WDR47: variants seen among roughly 807,000 people sequenced by gnomAD.
WDR47 encodes the protein WD repeat domain 47.
In WDR47, 32 loss-of-function variants were observed where a neutral mutation model predicts 97.2. The ratio of observed to expected loss-of-function variants is 0.33; its 90% CI spans 0.25 to 0.44. The LOEUF (loss-of-function observed/expected upper bound fraction) is 0.44, where lower values mean the gene tolerates loss of function less well. WDR47 is among the 20% of genes least tolerant of loss of function. WDR47 has a pLI of 1.00. For synonymous variants in WDR47, 375 were observed against 373.5 expected, an observed-to-expected ratio of 1.00 and a Z score of -0.05; for missense variants, 782 against 1,102.3, an observed-to-expected ratio of 0.71 and a Z score of 4.11.
intron 5 of WDR47, among the ~76,000 whole-genome samples, chr1:109,007,068 G>C (rs186424330): frequency 1.6e-3 from 240 of 151,816 alleles, no homozygotes; most frequent in African/African-American, 5.8e-3. Flanking sequence ...CTCCCAAGTA[G>C]CTGTGACTAC....
At position 109,002,394 on chromosome 1, in the gene WDR47, A is replaced by G. The variant is rs765124733; in HGVS notation, c.1263T>C (p.Asp421=). The change falls in exon 7 of 15, where the codon GAT becomes GAC. Residue 421 remains aspartate, a synonymous_variant. Coordinates refer to ENST00000369962, the MANE Select transcript of WDR47 (RefSeq NM_001142551.2). ...AATATTCTTGAAATTGTTCTGTTGAATCTCGAAGCTTAAAAACATTAGAAA... is the reference window on the plus strand; with the variant it reads ...AATATTCTTGAAATTGTTCTGTTGAGTCTCGAAGCTTAAAAACATTAGAAA... The part of the protein sequence containing the change: ...PAKQEKNELR[D]STEQFQEYYR... The G allele has an allele frequency of 3.6e-5, 58 of 1,598,458 alleles. No individual in the cohort carries two copies. Among genetic ancestry groups the G allele is most frequent in the Non-Finnish European group, 4.9e-5 (58 of 1,175,064 alleles).
intron 9 of WDR47, among the ~76,000 whole-genome samples, chr1:108,987,445 C>A (rs906883203): frequency 1.3e-5 from 2 of 151,916 alleles, no homozygotes; most frequent in African/African-American, 4.8e-5. Context: ...TGAGCCACCG[C>A]ACCAGCCAAT....
chr1:108,998,460 C>G (rs1248533256), intron 7 of WDR47, among the ~76,000 whole-genome samples: 4 of 151,966 alleles, frequency 2.6e-5, no homozygotes, highest in Non-Finnish European at 4.4e-5. Context: ...CAAGGTCATG[C>G]CACTGCACTC....
At chr1:109,037,449 AC>A (rs2102061812) in intron 1 of WDR47, among the ~76,000 whole-genome samples, 1 of 151,874 alleles carries the variant, frequency 6.6e-6, no homozygotes, top group South Asian at 2.1e-4. Context: ...CCACAGTGAA[AC>A]CCTGTCTCTA....
chr1:109,000,203 C>G (rs1660073623), intron 7 of WDR47, among the ~76,000 whole-genome samples: 1 of 151,734 alleles, frequency 6.6e-6, no homozygotes, highest in Admixed American at 6.6e-5. Flanking sequence ...CAGAGCAAGA[C>G]TCTATCTCCA....
intron 9 of WDR47, 40 bp from the exon 10 acceptor site, chr1:108,986,720 T>G (rs779062773): frequency 2.0e-6 from 3 of 1,469,748 alleles, no homozygotes; most frequent in African/African-American, 2.8e-5. Context: ...ATTAAAAAAA[T>G]GAATTTGAAA....
At chr1:108,982,497 A>C in intron 12 of WDR47, 112 bp downstream of exon 12, 1 of 1,308,570 alleles carries the variant, frequency 7.6e-7, no homozygotes, top group Non-Finnish European at 1.0e-6. Flanking sequence ...GTGCCACTGC[A>C]CTCTGGACAG....
intron 10 of WDR47, among the ~76,000 whole-genome samples, chr1:108,985,635 T>C (rs1227162786): frequency 6.6e-6 from 1 of 152,204 alleles, no homozygotes. Flanking sequence ...AAATATATAT[T>C]TGCTAAATAA....
intron 2 of WDR47, among the ~76,000 whole-genome samples, chr1:109,018,201 C>T (rs1661559451): frequency 6.6e-6 from 1 of 151,902 alleles, no homozygotes. Flanking sequence ...GTAATCCCAG[C>T]ACTTTGGGAG....
chr1:108,982,513 G>GC (rs1195738007), intron 12 of WDR47, 96 bp downstream of exon 12: 3 of 1,437,194 alleles, frequency 2.1e-6, no homozygotes, highest in Non-Finnish European at 2.8e-6. Flanking sequence ...GACAGTAAGA[G>GC]CAAGACCCTG....
Position 108,974,573 on chromosome 1 carries a change from G to T in WDR47, c.2580C>A (p.Gly860=). 1 of 1,614,100 alleles carries T rather than the reference G, an allele frequency of 6.2e-7. No individual in the cohort carries two copies. The highest frequency in any genetic ancestry group is 8.5e-7 in the Non-Finnish European group (1 of 1,180,008). ...TCACCTTTATTTTCATATCATAAGA[G>T]CCTGTTAGCAAGTAGTGAGCTCCAG... is the stretch of plus-strand genomic sequence containing the variant. ...FSPGAHYLLT[G]SYDMKIKVTD... is the part of the protein sequence containing the mutation. Residue 860 remains glycine (G), a synonymous_variant, in exon 14 of 15, where the codon GGC becomes GGA. Transcript: ENST00000369962.
chr1:108,988,805 T>A (rs1659067131), intron 9 of WDR47, among the ~76,000 whole-genome samples: 2 of 152,130 alleles, frequency 1.3e-5, no homozygotes, highest in South Asian at 4.1e-4. Flanking sequence ...CTGCTCAGGC[T>A]GGAGTGCGGT....
intron 10 of WDR47, among the ~76,000 whole-genome samples, chr1:108,983,729 T>C (rs566053399): frequency 2.4e-4 from 37 of 151,906 alleles, no homozygotes; most frequent in South Asian, 4.1e-4. Context: ...ATATTTTTCA[T>C]GGATTTTAAA....
At position 108,990,092 on chromosome 1, in the gene WDR47, T is replaced by C. The variant is rs1157782675; in HGVS notation, c.1767+1162A>G. On this transcript the variant is annotated intron_variant, in intron 9 of 14. Transcript: ENST00000369962. Reference sequence around the variant, plus strand: ...TTCTTGAAAATCAGGTCAGGTGCAGTGCCTCCCACCTGTAATCCTGGCATT... The same window carrying C: ...TTCTTGAAAATCAGGTCAGGTGCAGCGCCTCCCACCTGTAATCCTGGCATT... 2.0e-5 allele frequency among the ~76,000 whole-genome samples: 3 copies of C among 152,254 alleles called. No individual in the cohort carries two copies. In the East Asian group the frequency reaches 5.8e-4, roughly 29 times the overall value.
chr1:109,036,818 A>G (rs1411507184), intron 1 of WDR47, among the ~76,000 whole-genome samples: 1 of 152,082 alleles, frequency 6.6e-6, no homozygotes, highest in African/African-American at 2.4e-5. Context: ...CTGGGGCGAC[A>G]GAGTGAGACT....
intron 1 of WDR47, among the ~76,000 whole-genome samples, chr1:109,031,705 G>C (rs78516378): frequency 0.01 from 1,406 of 137,740 alleles, 184 homozygotes; most frequent in African/African-American, 0.035. Context: ...ATATAATGAA[G>C]TAATAATATT....
chr1:109,004,899 T>C lies in WDR47; in HGVS notation c.1131-184A>G, dbSNP rs185320169. 2.2e-4 allele frequency among the ~76,000 whole-genome samples: 34 copies of C among 152,230 alleles called. No individual in the cohort carries two copies. The East Asian group carries it at 5.0e-3, about 22-fold the overall frequency. On this transcript the variant is annotated intron_variant, in intron 5 of 14. Transcript: ENST00000369962. ...TCTACCTCCCAGGTTCAAGCAATTC[T>C]CCTGCCTCAGCCTCCAGAGCAGTTG...
In WDR47 at chr1:109,002,415, A is replaced by G; in HGVS notation, c.1255-13T>C. ...TTGAATCTCGAAGCTTAAAAACATT[A>G]GAAAAAAACATATATATTTGAGCAA... On this transcript the variant is annotated splice_polypyrimidine_tract_variant and intron_variant, in intron 6 of 14. Transcript: ENST00000369962. 1 of 1,560,972 alleles carries G rather than the reference A, an allele frequency of 6.4e-7. No homozygotes were observed. The highest frequency in any genetic ancestry group is 2.3e-5 in the East Asian group (1 of 43,462).
Position 109,004,474 on chromosome 1 carries a change from C to T in WDR47, c.1254+118G>A, listed in dbSNP as rs1011554320. The T allele has an allele frequency of 1.0e-5, 12 of 1,204,238 alleles. No homozygotes were observed. The African/African-American group carries it at 1.9e-4, about 19-fold the overall frequency. 74.6% of individuals were successfully genotyped at this position (1,204,238 alleles called of 1,614,324 possible). On this transcript the variant is annotated intron_variant, in intron 6 of 14. Transcript: ENST00000369962. ...GAAAATAAGCTAATAATAAGAAAAT[C>T]TATGTATATTATTTCCTACTCCCAA... is the stretch of plus-strand genomic sequence containing the variant.
Sources: gnomAD v4.1 joint callset for allele counts (sites outside exome capture counted in the v4.1 genomes callset) on GRCh38, gnomAD v4.1.1 for gene constraint, MANE v1.5 for transcripts, NCBI Gene and HGNC (gene_info 2026-07-23, HGNC 2026-07-21) for gene names.